Variants in CDC42 observed in about 807,000 individuals in gnomAD.
The protein encoded by CDC42 is cell division control protein 42 homolog.
A neutral mutation model predicts 20.8 loss-of-function variants in CDC42; 1 was observed. The ratio of observed to expected loss-of-function variants is 0.05; its 90% CI spans 0.02 to 0.23. CDC42 has a LOEUF of 0.23. Ranked by LOEUF, CDC42 falls within the 10% of genes least tolerant of loss-of-function variation. The pLI is 1.00. For synonymous variants in CDC42, 72 were observed against 84.8 expected, an observed-to-expected ratio of 0.85 and a Z score of 0.83; for missense variants, 49 against 227.9, an observed-to-expected ratio of 0.21 and a Z score of 5.05.
Position 22,095,567 on chromosome 1 carries a change from C to G in CDC42, c.*4050C>G, listed in dbSNP as rs550400520. 2.0e-5 allele frequency among the ~76,000 whole-genome samples: 3 copies of G among 152,276 alleles called. No individual in the cohort carries two copies. Among genetic ancestry groups the G allele is most frequent in the Admixed American group, 2.0e-4 (3 of 15,310 alleles). On this transcript the variant is annotated 3_prime_UTR_variant, in exon 6 of 6. Transcript: ENST00000656825. Reference sequence around the variant, plus strand: ...TACAGGCGTGAGCCACCGCGCCTGGCCAGAATGAATACTTTTAATTACTAC... The same window carrying G: ...TACAGGCGTGAGCCACCGCGCCTGGGCAGAATGAATACTTTTAATTACTAC...
intron 1 of CDC42, among the ~76,000 whole-genome samples, chr1:22,065,754 A>C (rs1645415364): frequency 7.2e-6 from 1 of 138,048 alleles, no homozygotes; most frequent in South Asian, 2.2e-4. Flanking sequence ...TGTCTTTAAA[A>C]ATCTCGTCTT....
At chr1:22,056,359 C>T (rs1341005208) in intron 1 of CDC42, among the ~76,000 whole-genome samples, 1 of 152,216 alleles carries the variant, frequency 6.6e-6, no homozygotes, top group East Asian at 1.9e-4. Flanking sequence ...TCTTCTGCAG[C>T]TGCACTGTCT....
At chr1:22,058,495 T>TA (rs1326912484) in intron 1 of CDC42, among the ~76,000 whole-genome samples, 1 of 151,858 alleles carries the variant, frequency 6.6e-6, no homozygotes, top group African/African-American at 2.4e-5. Context: ...GTTTTTTTTT[T>TA]TTTTGAGATG....
In CDC42 at chr1:22,097,265, CT is replaced by C. The variant is rs971579977; in HGVS notation, c.*5756del. ...TTTACCTCTTAAATCTGTATTATTA[CT>C]TTTTTTTCGAGACCAGATCTTACTC... On this transcript the variant is annotated 3_prime_UTR_variant, in exon 6 of 6. Transcript: ENST00000656825. Among the ~76,000 whole-genome samples the C allele has an allele frequency of 4.6e-5, 7 of 152,030 alleles. No individual in the cohort carries two copies. The highest frequency in any genetic ancestry group is 1.0e-4 in the Non-Finnish European group (7 of 67,974).
intron 1 of CDC42, among the ~76,000 whole-genome samples, chr1:22,071,046 C>CTTTTTTTTTTTTTTT (rs10684040): frequency 8.0e-6 from 1 of 125,312 alleles, no homozygotes. Flanking sequence ...TTTTTTCTTT[C>CTTTTTTTTTTTTTTT]TTTTTTTTTT....
At chr1:22,065,432 A>G (rs2152827784) in intron 1 of CDC42, among the ~76,000 whole-genome samples, 1 of 152,364 alleles carries the variant, frequency 6.6e-6, no homozygotes, top group East Asian at 1.9e-4. Context: ...CCTCCCTAGG[A>G]GAAGCAAGGA....
chr1:22,091,413 T>C lies in CDC42; in HGVS notation c.487-15T>C. On this transcript the variant is annotated splice_polypyrimidine_tract_variant and intron_variant, in intron 5 of 5. Transcript: ENST00000656825. ...AAAATCAGACCGCCCATTTTTTCTT[T>C]CTACCCCTTTTCAGAAAGGCCTAAA... 2 of 1,577,766 alleles carry C rather than the reference T, an allele frequency of 1.3e-6. No homozygotes were observed. The highest frequency in any genetic ancestry group is 1.7e-6 in the Non-Finnish European group (2 of 1,151,044).
At position 22,097,689 on chromosome 1, in the gene CDC42, T is replaced by A. The variant is rs762806896; in HGVS notation, c.*6172T>A. On this transcript the variant is annotated 3_prime_UTR_variant, in exon 6 of 6. Transcript: ENST00000656825. The stretch of plus-strand genomic sequence containing the variant: ...TAGAACTAGCTTGGAACAGAATGGG[T>A]AAACTTCTGTGAAGTTAGACACTTG... 2.6e-5 allele frequency among the ~76,000 whole-genome samples: 4 copies of A among 152,254 alleles called. No homozygotes were observed. The highest frequency in any genetic ancestry group is 9.6e-5 in the African/African-American group (4 of 41,470).
rs1184132922 is a variant in CDC42 at position 22,100,473 on chromosome 1, A to G, written c.*8956A>G. On this transcript the variant is annotated 3_prime_UTR_variant, in exon 6 of 6. Transcript: ENST00000656825. ...CTAACTTGATCTATGTCTTCAGGCA[A>G]GTAACTTAAATGCTCTGAGTGTTGC... 6.6e-6 allele frequency: 1 copy of G among 152,244 alleles called. No individual in the cohort carries two copies. The highest frequency in any genetic ancestry group is 1.5e-5 in the Non-Finnish European group (1 of 68,040). 9.4% of individuals were successfully genotyped at this position (152,244 alleles called of 1,614,324 possible). A position where few individuals can be genotyped will look rare whatever the true frequency, so the allele number is the denominator to read the frequency against.
intron 1 of CDC42, among the ~76,000 whole-genome samples, chr1:22,063,719 C>T (rs114380770): frequency 1.4e-3 from 209 of 151,968 alleles, no homozygotes; most frequent in African/African-American, 4.8e-3. Context: ...TGTTGGTAAC[C>T]TTCACAACTT....
intron 1 of CDC42, among the ~76,000 whole-genome samples, chr1:22,061,916 A>G (rs996670148): frequency 2.0e-5 from 3 of 151,070 alleles, no homozygotes; most frequent in Admixed American, 1.3e-4. Context: ...CATCACCCCT[A>G]TGGAACACCC....
chr1:22,071,032 C>CT (rs1298283635), intron 1 of CDC42, among the ~76,000 whole-genome samples: 54 of 121,240 alleles, frequency 4.5e-4, no homozygotes, highest in African/African-American at 1.7e-3. Context: ...ACAAGCATTT[C>CT]TTTTTTTTTC....
At chr1:22,091,289 T>G (rs1243473193) in intron 5 of CDC42, 139 bp from the exon 6 acceptor site, 6 of 592,814 alleles carry the variant, frequency 1.0e-5, no homozygotes, top group African/African-American at 7.5e-5. Context: ...TGAAGTGAGA[T>G]TATTGTGTTG....
At chr1:22,056,114 A>T (rs919945414) in intron 1 of CDC42, among the ~76,000 whole-genome samples, 1 of 152,214 alleles carries the variant, frequency 6.6e-6, no homozygotes, top group Non-Finnish European at 1.5e-5. Flanking sequence ...TGGTCACCCC[A>T]TTGCTAATGC....
chr1:22,072,156 G>A (rs912215936), intron 1 of CDC42, among the ~76,000 whole-genome samples: 1 of 139,634 alleles, frequency 7.2e-6, no homozygotes, highest in Non-Finnish European at 1.5e-5. Context: ...GGAGTACAGT[G>A]GCGTGATCTC....
intron 1 of CDC42, among the ~76,000 whole-genome samples, chr1:22,059,973 C>T (rs899169629): frequency 6.6e-6 from 1 of 152,172 alleles, no homozygotes; most frequent in African/African-American, 2.4e-5. Context: ...TCAGGAACAC[C>T]TGTGTTTATT....
rs2124057996 is a variant in CDC42 at position 22,092,579 on chromosome 1, GC to G, written c.*1063del. The G allele has an allele frequency of 6.9e-6, 1 of 145,652 alleles. No individual in the cohort carries two copies. The highest frequency in any genetic ancestry group is 2.6e-5 in the African/African-American group (1 of 38,854). The allele number at this position is 145,652 out of a possible 1,614,324, so 9.0% of individuals were successfully genotyped here. On this transcript the variant is annotated 3_prime_UTR_variant, in exon 6 of 6. Transcript: ENST00000656825. Reference sequence around the variant, plus strand: ...TCTCAAGTTAGGAGGATGGAGGCCTGCTTCATTAAGAAGCTGGGGGTAGGGT... The same window carrying G: ...TCTCAAGTTAGGAGGATGGAGGCCTGTTCATTAAGAAGCTGGGGGTAGGGT...
At chr1:22,058,536 G>A (rs1184983846) in intron 1 of CDC42, among the ~76,000 whole-genome samples, 1 of 149,696 alleles carries the variant, frequency 6.7e-6, no homozygotes, top group African/African-American at 2.5e-5. Flanking sequence ...AGGCTGGAGT[G>A]CAATGGCATG....
rs1645774149 is a variant in CDC42, at chr1:22,099,001, A to C, written c.*7484A>C. 6.6e-6 allele frequency among the ~76,000 whole-genome samples: 1 copy of C among 152,046 alleles called. No homozygotes were observed. Reference sequence around the variant, plus strand: ...CTCGAACTCCTGAGCTGATCCTCCCACCTCGGCCTCCCAACGTGCTGGGAT... The same window carrying C: ...CTCGAACTCCTGAGCTGATCCTCCCCCCTCGGCCTCCCAACGTGCTGGGAT... On this transcript the variant is annotated 3_prime_UTR_variant, in exon 6 of 6. Transcript: ENST00000656825.
Sources: gnomAD v4.1 joint callset for allele counts (sites outside exome capture counted in the v4.1 genomes callset) on GRCh38, gnomAD v4.1.1 for gene constraint, MANE v1.5 for transcripts, NCBI Gene and HGNC (gene_info 2026-07-23, HGNC 2026-07-21) for gene names.